DAB1: variants seen among roughly 807,000 people sequenced by gnomAD.
DAB1 encodes DAB adaptor protein 1.
In DAB1, 15 loss-of-function variants were observed where a neutral mutation model predicts 64.6. The ratio of observed to expected loss-of-function variants is 0.23; its 90% CI spans 0.16 to 0.36. The LOEUF (loss-of-function observed/expected upper bound fraction) is 0.36. DAB1 is among the 10% of genes least tolerant of loss of function. The pLI is 1.00. For missense variants in DAB1, 596 were observed against 706.7 expected (o/e 0.84, Z 1.78); for synonymous variants, 235 against 251.9 (o/e 0.93, Z 0.64).
chr1:58,324,438 T>G (rs1662773655), intron 4 of DAB1, among the ~76,000 whole-genome samples: 1 of 152,184 alleles, frequency 6.6e-6, no homozygotes, highest in Admixed American at 6.5e-5. Flanking sequence ...CTGCCACCAA[T>G]TAAGACATCC....
chr1:58,346,929 C>A (rs1010349582), intron 3 of DAB1, among the ~76,000 whole-genome samples: 7 of 152,194 alleles, frequency 4.6e-5, no homozygotes, highest in African/African-American at 1.7e-4. Flanking sequence ...CTTGACTCCA[C>A]CATCTATTAG....
intron 2 of DAB1, among the ~76,000 whole-genome samples, chr1:57,234,373 T>C (rs543703677): frequency 6.6e-6 from 1 of 152,340 alleles, no homozygotes; most frequent in South Asian, 2.1e-4. Context: ...GGGCATGTTA[T>C]TTAACCTTTT....
intron 1 of DAB1, among the ~76,000 whole-genome samples, chr1:57,402,037 T>C (rs1683283711): frequency 6.6e-6 from 1 of 152,164 alleles, no homozygotes; most frequent in Admixed American, 6.5e-5. Context: ...GTTGATGATA[T>C]ATTAGCAGTC....
intron 2 of DAB1, among the ~76,000 whole-genome samples, chr1:57,232,842 T>C (rs1441800780): frequency 3.9e-5 from 6 of 152,182 alleles, no homozygotes; most frequent in Non-Finnish European, 7.4e-5. Flanking sequence ...AATTTGACAG[T>C]GTAGTAAAAT....
chr1:57,407,997 G>A (rs1382897299), intron 1 of DAB1, among the ~76,000 whole-genome samples: 1 of 152,166 alleles, frequency 6.6e-6, no homozygotes, highest in Non-Finnish European at 1.5e-5. Flanking sequence ...AAATGGTTCT[G>A]ACTCCACTAC....
At position 58,422,228 on chromosome 1, in the gene DAB1, C is replaced by T. The variant is rs79321066; in HGVS notation, n.258-78825G>A. On this transcript the variant is annotated intron_variant and non_coding_transcript_variant, in intron 3 of 20. Coordinates refer to the DAB1 transcript ENST00000485760. ...TCACGCCTAACTTACAGGGTTGTCA[C>T]GAGAATTGAATGAAGAAATAATTCA... is the stretch of plus-strand genomic sequence containing the variant. 1.5e-3 allele frequency among the ~76,000 whole-genome samples: 225 copies of T among 151,166 alleles called. 1 individual carries two copies. The highest frequency in any genetic ancestry group is 5.0e-3 in the African/African-American group (207 of 41,136).
At chr1:58,107,385 C>T (rs774460425) in intron 5 of DAB1, among the ~76,000 whole-genome samples, 7 of 150,088 alleles carry the variant, frequency 4.7e-5, no homozygotes, top group Middle Eastern at 3.5e-3. Flanking sequence ...GCAGGAGAAT[C>T]GCTTGAATCC....
At chr1:58,521,578 A>G (rs1416401788) in intron 2 of DAB1, among the ~76,000 whole-genome samples, 1 of 152,150 alleles carries the variant, frequency 6.6e-6, no homozygotes, top group Non-Finnish European at 1.5e-5. Context: ...CAAAGGGGAC[A>G]TTTAAAAGAT....
chr1:58,509,422 C>A (rs1114660), intron 2 of DAB1, among the ~76,000 whole-genome samples: 87,934 of 149,750 alleles, frequency 0.59, 27,798 homozygotes, highest in East Asian at 0.82. Context: ...GAAAAAAAAA[C>A]CAAAAAGAAA....
intron 7 of DAB1, among the ~76,000 whole-genome samples, chr1:57,525,517 C>G (rs1175234716): frequency 6.6e-6 from 1 of 151,962 alleles, no homozygotes; most frequent in Non-Finnish European, 1.5e-5. Flanking sequence ...TTATGACATA[C>G]AAACTGGGGC....
chr1:58,018,056 G>A (rs1476069474), intron 5 of DAB1, among the ~76,000 whole-genome samples: 1 of 152,092 alleles, frequency 6.6e-6, no homozygotes, highest in African/African-American at 2.4e-5. Flanking sequence ...TCAAAAGTAA[G>A]ACTTTCTGAT....
intron 7 of DAB1, among the ~76,000 whole-genome samples, chr1:57,552,177 G>T (rs1644921954): frequency 6.6e-6 from 1 of 152,200 alleles, no homozygotes; most frequent in Admixed American, 6.5e-5. Context: ...CACTCCAAAA[G>T]TAGGTTAGCT....
chr1:58,117,895 C>G (rs1019614863), intron 5 of DAB1, among the ~76,000 whole-genome samples: 2 of 149,064 alleles, frequency 1.3e-5, no homozygotes, highest in African/African-American at 5.0e-5. Context: ...GGTGGGGGTA[C>G]AGACATTGCT....
chr1:57,985,773 C>A (rs569063254), intron 5 of DAB1, among the ~76,000 whole-genome samples: 2 of 152,022 alleles, frequency 1.3e-5, no homozygotes, highest in Non-Finnish European at 2.9e-5. Flanking sequence ...AAATAAGATG[C>A]GTGGTCAGTG....
intron 1 of DAB1, chr1:58,539,251 A>G: frequency 1.2e-6 from 1 of 869,554 alleles, no homozygotes; most frequent in Non-Finnish European, 2.0e-6. Context: ...TCGGAAGAAA[A>G]CATGGTTTCT....
At chr1:57,687,548 T>C (rs1570738016) in intron 6 of DAB1, among the ~76,000 whole-genome samples, 1 of 122,164 alleles carries the variant, frequency 8.2e-6, no homozygotes, top group Non-Finnish European at 1.6e-5. Flanking sequence ...ATTCTAAAAC[T>C]CATATGTAAC....
At chr1:58,371,629 T>A (rs556970319) in intron 3 of DAB1, among the ~76,000 whole-genome samples, 4 of 152,302 alleles carry the variant, frequency 2.6e-5, no homozygotes, top group South Asian at 4.1e-4. Context: ...GAGACTTTCA[T>A]GGAATCCCCT....
intron 5 of DAB1, among the ~76,000 whole-genome samples, chr1:58,146,811 C>A (rs1055380359): frequency 6.6e-6 from 1 of 151,366 alleles, no homozygotes; most frequent in African/African-American, 2.4e-5. Flanking sequence ...TAACATATAC[C>A]ATAATTCCTT....
At chr1:57,565,565 A>C (rs1645108925) in intron 7 of DAB1, among the ~76,000 whole-genome samples, 1 of 152,202 alleles carries the variant, frequency 6.6e-6, no homozygotes, top group Non-Finnish European at 1.5e-5. Context: ...CTCAAAATAA[A>C]GGGATGGAGG....
Sources: allele counts gnomAD v4.1 joint callset (sites outside exome capture counted in the v4.1 genomes callset), GRCh38; gene constraint gnomAD v4.1.1; transcripts MANE v1.5; gene names NCBI Gene and HGNC (gene_info 2026-07-23, HGNC 2026-07-21).